HTR3B: variants seen among roughly 807,000 people sequenced by gnomAD.
HTR3B encodes the protein 5-hydroxytryptamine receptor 3B, also known as 5-hydroxytryptamine (serotonin) receptor 3B, ionotropic.
A neutral mutation model predicts 42.8 loss-of-function variants in HTR3B; 44 were observed. The ratio of observed to expected loss-of-function variants is 1.03; its 90% CI spans 0.81 to 1.32. HTR3B has a LOEUF of 1.32. Among genes scored for constraint, HTR3B ranks in the 40% most tolerant of loss-of-function variants. HTR3B has a pLI of 0.00. For synonymous variants in HTR3B, 203 were observed against 209.0 expected, an observed-to-expected ratio of 0.97 and a Z score of 0.25; for missense variants, 527 against 536.5, an observed-to-expected ratio of 0.98 and a Z score of 0.17.
rs1950039522 is a variant in HTR3B, at chr11:113,931,968, A to T, written c.368+101A>T. ...TCAGTGTTGCTCATTTTTGCTTCTC[A>T]AGTTGAAGGGGAGCATATTGTTGGG... On this transcript the variant is annotated intron_variant, in intron 4 of 8. Transcript: ENST00000260191. The T allele has an allele frequency of 5.2e-6, 4 of 768,408 alleles. No homozygotes were observed. The East Asian group carries it at 9.9e-5, about 19-fold the overall frequency. The allele number at this position is 768,408 out of a possible 1,614,324, so 47.6% of individuals were successfully genotyped here. A position where few individuals can be genotyped will look rare whatever the true frequency, so the allele number is the denominator to read the frequency against.
Position 113,931,866 on chromosome 11 carries a change from TTGTAAGTG to T in HTR3B, c.368+2_368+9del. ...GGCCCCCGATATCATCATCAATGAG[TTGTAAGTG>T]TGCCAGTGTGTATTTCTGTGGGGTT... On this transcript the variant is annotated splice_donor_variant and splice_donor_5th_base_variant and coding_sequence_variant and intron_variant, in exon 4 of 9. Transcript: ENST00000260191. LOFTEE classifies it high-confidence loss of function. 6.5e-7 allele frequency: 1 copy of T among 1,537,618 alleles called. No individual in the cohort carries two copies. Among genetic ancestry groups the T allele is most frequent in the Non-Finnish European group, 9.0e-7 (1 of 1,110,190 alleles).
chr11:113,944,022 C>CTT (rs368033697), intron 7 of HTR3B, among the ~76,000 whole-genome samples: 5 of 134,002 alleles, frequency 3.7e-5, no homozygotes, highest in South Asian at 2.4e-4. Context: ...GTCTCTCTCT[C>CTT]TTTTTTTTTT....
chr11:113,943,278 C>G (rs1041095381), intron 7 of HTR3B, 86 bp downstream of exon 7: 13 of 1,156,480 alleles, frequency 1.1e-5, no homozygotes, highest in Non-Finnish European at 1.5e-5. Flanking sequence ...GGCTCATGCC[C>G]GTAATATCAG....
intron 1 of HTR3B, chr11:113,909,093 G>T (rs915466466): frequency 3.4e-6 from 2 of 588,286 alleles, no homozygotes; most frequent in African/African-American, 1.9e-5. Context: ...TTACAATGAG[G>T]TTTCTCCATT....
intron 2 of HTR3B, among the ~76,000 whole-genome samples, chr11:113,917,276 G>A (rs551297057): frequency 5.0e-4 from 76 of 152,078 alleles, no homozygotes; most frequent in Non-Finnish European, 7.8e-4. Flanking sequence ...GGGATTACAG[G>A]TGCCTGCCAC....
chr11:113,927,495 T>C (rs1055597962), intron 2 of HTR3B, among the ~76,000 whole-genome samples: 1 of 152,178 alleles, frequency 6.6e-6, no homozygotes, highest in African/African-American at 2.4e-5. Context: ...AATTTTTACT[T>C]TTCTCTGCAC....
upstream of HTR3B, among the ~76,000 whole-genome samples, chr11:113,902,964 G>A (rs975042862): frequency 6.6e-6 from 1 of 152,040 alleles, no homozygotes; most frequent in Non-Finnish European, 1.5e-5. Flanking sequence ...TATCTCCTGA[G>A]CTCAAGTGAT....
At chr11:113,909,854 C>T (rs1949769028) in intron 2 of HTR3B, among the ~76,000 whole-genome samples, 2 of 151,884 alleles carry the variant, frequency 1.3e-5, no homozygotes, top group African/African-American at 4.8e-5. Flanking sequence ...CATGGTGATG[C>T]ATGCCTGTAG....
Position 113,932,452 on chromosome 11 carries a change from C to T in HTR3B, c.532C>T (p.His178Tyr), listed in dbSNP as rs748645127. The T allele has an allele frequency of 1.2e-6, 2 of 1,613,036 alleles. No homozygotes were observed. Among genetic ancestry groups the T allele is most frequent in the Non-Finnish European group, 1.7e-6 (2 of 1,179,206 alleles). ...NCSLTFKSIL[H>Y]TVEDVDLAFL... ...CAGCCTGACCTTCAAGAGCATTCTG[C>T]ATACAGGTAAACCATGAGAGATACC... The change falls in exon 5 of 9, where the codon CAT becomes TAT. Residue 178 changes from histidine (H) to tyrosine (Y), a missense_variant. Coordinates refer to ENST00000260191, the MANE Select transcript of HTR3B (RefSeq NM_006028.5).
Position 113,909,417 on chromosome 11 carries a change from G to A in HTR3B, c.175G>A (p.Val59Ile), listed in dbSNP as rs142124053. ...PVYNWTKATTVYLDLFVHAIL... is the reference protein window; with the variant it reads ...PVYNWTKATTIYLDLFVHAIL... Reference sequence around the variant, plus strand: ...TTACAACTGGACCAAGGCCACCACAGTCTACCTGGACCTGTTCGTCCATGC... The same window carrying A: ...TTACAACTGGACCAAGGCCACCACAATCTACCTGGACCTGTTCGTCCATGC... The change falls in exon 2 of 9, where the codon GTC becomes ATC. Residue 59 changes from valine (V) to isoleucine (I), a missense_variant. Physicochemically the swap from Val to Ile is conservative, Grantham distance 29 (BLOSUM62 3). Coordinates refer to ENST00000260191, the MANE Select transcript of HTR3B (RefSeq NM_006028.5). 6.2e-7 allele frequency: 1 copy of A among 1,614,136 alleles called. No individual in the cohort carries two copies. Among genetic ancestry groups the A allele is most frequent in the South Asian group, 1.1e-5 (1 of 91,086 alleles).
intron 2 of HTR3B, among the ~76,000 whole-genome samples, chr11:113,912,535 G>T (rs910138520): frequency 6.6e-6 from 1 of 152,218 alleles, no homozygotes; most frequent in Non-Finnish European, 1.5e-5. Context: ...GAGCCACCGT[G>T]CCCGGCGTTT....
rs550664784 is a variant in HTR3B at position 113,908,235 on chromosome 11, C to T, written c.53-1060C>T. On this transcript the variant is annotated intron_variant, in intron 1 of 8. Coordinates refer to ENST00000260191, the MANE Select transcript of HTR3B (RefSeq NM_006028.5). ...AAATCATAGAAATTGCTGCCTGTAG[C>T]GGCAAGTGACATGACATCATTCATA... Among the ~76,000 whole-genome samples the T allele has an allele frequency of 4.6e-5, 7 of 152,246 alleles. No individual in the cohort carries two copies. In the East Asian group the frequency reaches 5.8e-4, roughly 13 times the overall value.
chr11:113,924,623 T>TC (rs1949950291), intron 2 of HTR3B, among the ~76,000 whole-genome samples: 1 of 11,912 alleles, frequency 8.4e-5, no homozygotes. Context: ...AGACCTTGTC[T>TC]CAAAAAAAAA....
rs551775398 is a variant in HTR3B at position 113,939,611 on chromosome 11, A to C, written c.697-3371A>C. Among the ~76,000 whole-genome samples, 79 of 152,200 alleles carry C rather than the reference A, an allele frequency of 5.2e-4. 1 individual carries two copies. In the South Asian group the frequency reaches 0.016, roughly 32 times the overall value. Reference sequence around the variant, plus strand: ...GGGACCTTGAGGGGCCACACCATCCATCTCTGGCTCTGTCCCAGACATAGA... The same window carrying C: ...GGGACCTTGAGGGGCCACACCATCCCTCTCTGGCTCTGTCCCAGACATAGA... On this transcript the variant is annotated intron_variant, in intron 6 of 8. Coordinates refer to ENST00000260191, the MANE Select transcript of HTR3B (RefSeq NM_006028.5).
rs1250881280 is a variant in HTR3B, at chr11:113,947,334, A to G, written c.*1197A>G. Among the ~76,000 whole-genome samples, 2 of 152,136 alleles carry G rather than the reference A, an allele frequency of 1.3e-5. No individual in the cohort carries two copies. The highest frequency in any genetic ancestry group is 2.9e-5 in the Non-Finnish European group (2 of 68,002). ...CCCAGTCTAGCACATCATTTAGTCCACACACAAGGGGCAATGCATGGAGTG... is the reference window on the plus strand; with the variant it reads ...CCCAGTCTAGCACATCATTTAGTCCGCACACAAGGGGCAATGCATGGAGTG... On this transcript the variant is annotated 3_prime_UTR_variant, in exon 9 of 9. Transcript: ENST00000260191.
chr11:113,932,798 C>T lies in HTR3B; in HGVS notation c.539-138C>T, dbSNP rs1027811086. ...AGATTTTATTCCACATCCCTACCCC[C>T]TAATTCAAATAAGGCCAAGGAGACT... On this transcript the variant is annotated intron_variant, in intron 5 of 8. Coordinates refer to ENST00000260191, the MANE Select transcript of HTR3B (RefSeq NM_006028.5). The T allele has an allele frequency of 9.9e-6, 8 of 808,364 alleles. No individual in the cohort carries two copies. The African/African-American group carries it at 1.0e-4, about 10-fold the overall frequency. 50.1% of individuals were successfully genotyped at this position (808,364 alleles called of 1,614,324 possible). A position where few individuals can be genotyped will look rare whatever the true frequency, so the allele number is the denominator to read the frequency against.
intron 1 of HTR3B, chr11:113,908,994 T>C (rs1949756110): frequency 7.8e-6 from 4 of 515,194 alleles, no homozygotes; most frequent in Non-Finnish European, 1.4e-5. Context: ...AATAAAGAAA[T>C]TATTCTGTCT....
chr11:113,914,520 T>C (rs1949832766), intron 2 of HTR3B, among the ~76,000 whole-genome samples: 1 of 151,962 alleles, frequency 6.6e-6, no homozygotes, highest in Non-Finnish European at 1.5e-5. Context: ...TCTTGCTCTG[T>C]TGCCCAGGCT....
chr11:113,908,545 C>A (rs1949751975), intron 1 of HTR3B, among the ~76,000 whole-genome samples: 1 of 152,234 alleles, frequency 6.6e-6, no homozygotes, highest in Non-Finnish European at 1.5e-5. Flanking sequence ...AAAGCCCTCA[C>A]AAATTTGTCA....
Sources: allele counts gnomAD v4.1 joint callset (sites outside exome capture counted in the v4.1 genomes callset), GRCh38; gene constraint gnomAD v4.1.1; transcripts MANE v1.5; gene names NCBI Gene and HGNC (gene_info 2026-07-23, HGNC 2026-07-21).